CEP295: variants seen among roughly 807,000 people sequenced by gnomAD.
The protein encoded by CEP295 is centrosomal protein 295, also known as centrosomal protein of 295 kDa.
In CEP295, 190 loss-of-function variants were observed where a neutral mutation model predicts 291.6. That is an observed-to-expected ratio of 0.65 (90% CI 0.58 to 0.73). The LOEUF (loss-of-function observed/expected upper bound fraction) is 0.73, where lower values mean the gene tolerates loss of function less well. CEP295 is among the 30% of genes least tolerant of loss of function. CEP295 has a pLI of 0.00. For missense variants in CEP295, 2,863 were observed against 2,949.4 expected (o/e 0.97, Z 0.68); for synonymous variants, 993 against 1,038.8 (o/e 0.96, Z 0.85).
rs1039897581 is a variant in CEP295 at position 93,727,150 on chromosome 11, T to A, written c.6674T>A (p.Ile2225Asn). The A allele has an allele frequency of 1.2e-5, 18 of 1,550,506 alleles. No individual in the cohort carries two copies. The Middle Eastern group carries it at 6.7e-4, about 58-fold the overall frequency. ...HTEILQNKKK[I>N]VHFQLSIGNL... The stretch of plus-strand genomic sequence containing the variant: ...GAAATATTACAAAACAAGAAAAAAA[T>A]TGTTCATTTCCAGCTTTCTATAGGA... The change falls in exon 24 of 30, where the codon ATT becomes AAT. Residue 2225 changes from isoleucine (I) to asparagine (N), a missense_variant. Physicochemically the swap from Ile to Asn is moderately radical, Grantham distance 149 (BLOSUM62 -3). Coordinates refer to ENST00000325212, the MANE Select transcript of CEP295 (RefSeq NM_033395.2).
Position 93,691,754 on chromosome 11 carries a change from A to G in CEP295, c.1408A>G (p.Thr470Ala), listed in dbSNP as rs1413405115. Residue 470 changes from threonine to alanine, a missense_variant, in exon 11 of 30, where the codon ACA (threonine) becomes GCA (alanine). This residue lies in a region of CEP295 where 554 missense variants were observed against 576.0 expected (regional missense o/e 0.96). Transcript: ENST00000325212. ...ASEDKPLSCG[T>A]NSGKEQEINE... The stretch of plus-strand genomic sequence containing the variant: ...TGAAGATAAACCACTTTCGTGTGGT[A>G]CAAACTCTGGAAAAGAACAAGGTAT... 6.5e-7 allele frequency: 1 copy of G among 1,543,546 alleles called. No homozygotes were observed. The highest frequency in any genetic ancestry group is 8.7e-7 in the Non-Finnish European group (1 of 1,143,230).
At chr11:93,663,469 G>C (rs1221438714) in intron 1 of CEP295, among the ~76,000 whole-genome samples, 1 of 152,216 alleles carries the variant, frequency 6.6e-6, no homozygotes, top group Non-Finnish European at 1.5e-5. Flanking sequence ...AATGCAATGT[G>C]TTATATCCTT....
At chr11:93,680,333 C>T (rs1280770811) in intron 7 of CEP295, among the ~76,000 whole-genome samples, 2 of 152,134 alleles carry the variant, frequency 1.3e-5, no homozygotes, top group African/African-American at 4.8e-5. Context: ...GTAGCTCAGG[C>T]CTGTCTCAGG....
At chr11:93,671,352 A>G (rs1206941729) in intron 5 of CEP295, among the ~76,000 whole-genome samples, 2 of 151,846 alleles carry the variant, frequency 1.3e-5, no homozygotes, top group East Asian at 1.9e-4. Context: ...TCAATATTAC[A>G]TAGTCAATTA....
intron 10 of CEP295, among the ~76,000 whole-genome samples, chr11:93,690,645 T>C (rs1416647998): frequency 1.5e-5 from 2 of 131,502 alleles, no homozygotes; most frequent in Non-Finnish European, 3.1e-5. Flanking sequence ...GGCAGGAGAA[T>C]GGTGTAAACC....
chr11:93,692,039 A>G lies in CEP295; in HGVS notation c.1533+9A>G, dbSNP rs764576957. 7.2e-7 allele frequency: 1 copy of G among 1,392,756 alleles called. No individual in the cohort carries two copies. Among genetic ancestry groups the G allele is most frequent in the South Asian group, 1.3e-5 (1 of 76,732 alleles). 86.3% of individuals were successfully genotyped at this position (1,392,756 alleles called of 1,614,324 possible). A position where few individuals can be genotyped will look rare whatever the true frequency, so the allele number is the denominator to read the frequency against. On this transcript the variant is annotated intron_variant, in intron 12 of 29. Coordinates refer to ENST00000325212, the MANE Select transcript of CEP295 (RefSeq NM_033395.2). ...CAGCAAGGCAGAAACAGGTAATTTG[A>G]AATTTTATTTTTAAAGGTTTATTTT... is the stretch of plus-strand genomic sequence containing the variant.
rs1270187693 is a variant in CEP295, at chr11:93,723,029, C to T, written c.5948-12C>T. The T allele has an allele frequency of 1.8e-5, 28 of 1,547,140 alleles. No homozygotes were observed. Among genetic ancestry groups the T allele is most frequent in the Non-Finnish European group, 2.4e-5 (27 of 1,144,756 alleles). On this transcript the variant is annotated splice_polypyrimidine_tract_variant and intron_variant, in intron 20 of 29. Transcript: ENST00000325212. ...GGCCTATTTACATATTTTCATTAAA[C>T]TCAATTTTCAGAGTCATTTTCAGAG...
chr11:93,706,134 G>A (rs958198512), intron 17 of CEP295, among the ~76,000 whole-genome samples: 3 of 152,204 alleles, frequency 2.0e-5, no homozygotes, highest in Non-Finnish European at 4.4e-5. Context: ...TTGATGGACA[G>A]GGATCTCAGG....
intron 5 of CEP295, among the ~76,000 whole-genome samples, chr11:93,671,868 T>A (rs1031373190): frequency 6.6e-5 from 10 of 152,184 alleles, no homozygotes; most frequent in African/African-American, 2.4e-4. Context: ...CTGAAAATCC[T>A]GGGGAAATAA....
intron 18 of CEP295, among the ~76,000 whole-genome samples, chr11:93,712,547 C>T (rs1427512374): frequency 2.6e-5 from 4 of 152,236 alleles, no homozygotes; most frequent in Non-Finnish European, 4.4e-5. Context: ...AGCCACCACA[C>T]CTGGCCAAAG....
At chr11:93,713,735 T>C (rs1363279071) in intron 18 of CEP295, among the ~76,000 whole-genome samples, 1 of 152,320 alleles carries the variant, frequency 6.6e-6, no homozygotes, top group Admixed American at 6.5e-5. Flanking sequence ...TCTGTTATTA[T>C]CCCTTTGAAC....
At chr11:93,685,772 A>G (rs892573902) in intron 9 of CEP295, among the ~76,000 whole-genome samples, 3 of 152,028 alleles carry the variant, frequency 2.0e-5, no homozygotes, top group Non-Finnish European at 4.4e-5. Context: ...GTGCAGTGGC[A>G]CGATCTTGGC....
intron 4 of CEP295, 61 bp from the exon 5 acceptor site, chr11:93,669,616 C>A: frequency 9.2e-7 from 1 of 1,087,100 alleles, no homozygotes. Context: ...ATATTTTTAA[C>A]CCTGTTGTAC....
At chr11:93,688,550 C>G (rs1450985686) in intron 10 of CEP295, among the ~76,000 whole-genome samples, 1 of 135,156 alleles carries the variant, frequency 7.4e-6, no homozygotes, top group African/African-American at 2.7e-5. Flanking sequence ...TATTTTCTTC[C>G]CTTGGCCCCT....
intron 22 of CEP295, among the ~76,000 whole-genome samples, chr11:93,725,410 C>T (rs1387865967): frequency 1.3e-5 from 2 of 152,186 alleles, no homozygotes; most frequent in Non-Finnish European, 2.9e-5. Flanking sequence ...AAAGTATCCT[C>T]CTACACAGTC....
intron 10 of CEP295, among the ~76,000 whole-genome samples, chr11:93,691,017 A>G (rs532583729): frequency 1.3e-5 from 2 of 152,288 alleles, no homozygotes; most frequent in East Asian, 3.9e-4. Flanking sequence ...CATCTTGCCC[A>G]GATTTATTAT....
At position 93,723,247 on chromosome 11, in the gene CEP295, A is replaced by G. The variant is rs200980804; in HGVS notation, c.6154A>G (p.Ile2052Val). The change falls in exon 21 of 30, where the codon ATT (isoleucine) becomes GTT (valine). Residue 2052 changes from isoleucine to valine, a missense_variant. Ile to Val is a conservative substitution (Grantham distance 29). Coordinates refer to ENST00000325212, the MANE Select transcript of CEP295 (RefSeq NM_033395.2). Reference protein sequence around the residue: ...THFQQMIDKYINEANLIPEKT... With the variant: ...THFQQMIDKYVNEANLIPEKT... ...CTTTCAGCAAATGATAGACAAGTAC[A>G]TTAATGAAGCAAATTTGATACCTGA... 9.0e-4 allele frequency: 1,380 copies of G among 1,540,648 alleles called. No individual in the cohort carries two copies. The highest frequency in any genetic ancestry group is 1.1e-3 in the Non-Finnish European group (1,237 of 1,141,584).
At chr11:93,682,380 C>T (rs958693319) in intron 7 of CEP295, among the ~76,000 whole-genome samples, 11 of 152,096 alleles carry the variant, frequency 7.2e-5, no homozygotes, top group Admixed American at 4.6e-4. Flanking sequence ...CATGCCGTCA[C>T]GCCCTGCTAC....
chr11:93,702,507 G>A lies in CEP295; in HGVS notation c.5322G>A (p.Gly1774=), dbSNP rs768709251. The A allele has an allele frequency of 1.5e-5, 23 of 1,546,534 alleles. No homozygotes were observed. Among genetic ancestry groups the A allele is most frequent in the Middle Eastern group, 1.7e-4 (1 of 5,986 alleles). The change falls in exon 16 of 30, where the codon GGG becomes GGA. Residue 1774 remains glycine (G), a synonymous_variant. Coordinates refer to ENST00000325212, the MANE Select transcript of CEP295 (RefSeq NM_033395.2). ...ATGATTTAAAAACCCAGAAGATGGG[G>A]CAGCTCAGAGACTGGTTTCCTAATA... ...VENDLKTQKM[G]QLRDWFPNTQ...
Sources: gnomAD v4.1 joint callset for allele counts (sites outside exome capture counted in the v4.1 genomes callset) on GRCh38, gnomAD v4.1.1 for gene constraint, gnomAD v4.1.1 regional missense constraint, MANE v1.5 for transcripts, NCBI Gene and HGNC (gene_info 2026-07-23, HGNC 2026-07-21) for gene names.